PRKCA: variants seen among roughly 807,000 people sequenced by gnomAD.
The protein encoded by PRKCA is protein kinase C alpha type.
In PRKCA, 27 loss-of-function variants were observed where a neutral mutation model predicts 87.0. That is an observed-to-expected ratio of 0.31 (90% CI 0.23 to 0.43). PRKCA has a LOEUF of 0.43. Ranked by LOEUF, PRKCA falls within the 20% of genes least tolerant of loss-of-function variation. The pLI, the probability that PRKCA is intolerant of heterozygous loss-of-function variation, is 1.00. For synonymous variants in PRKCA, 329 were observed against 311.1 expected (o/e 1.06, Z -0.61); for missense variants, 518 against 852.3 (o/e 0.61, Z 4.88).
rs559022019 is a variant in PRKCA at position 66,356,560 on chromosome 17, G to A, written c.205+50433G>A. Among the ~76,000 whole-genome samples, 5 of 152,244 alleles carry A rather than the reference G, an allele frequency of 3.3e-5. No individual in the cohort carries two copies. The East Asian group carries it at 9.7e-4, about 30-fold the overall frequency. The stretch of plus-strand genomic sequence containing the variant: ...TGACGCTTGAACCCAGGAGGCGGAG[G>A]TTGCAGTGAGCTGAGATCGTGCCAC... On this transcript the variant is annotated intron_variant, in intron 2 of 16. Coordinates refer to ENST00000413366, the MANE Select transcript of PRKCA (RefSeq NM_002737.3).
intron 2 of PRKCA, among the ~76,000 whole-genome samples, chr17:66,393,998 C>T (rs1353954703): frequency 1.3e-5 from 2 of 151,966 alleles, no homozygotes; most frequent in Non-Finnish European, 2.9e-5. Context: ...TCGCTCGAAC[C>T]TGGGAGGCGG....
At chr17:66,712,599 C>G (rs769081998) in intron 8 of PRKCA, among the ~76,000 whole-genome samples, 2 of 152,168 alleles carry the variant, frequency 1.3e-5, no homozygotes, top group South Asian at 4.1e-4. Flanking sequence ...AGGGCTGTCC[C>G]TGTCCCCTTC....
intron 3 of PRKCA, among the ~76,000 whole-genome samples, chr17:66,576,007 C>T (rs916743983): frequency 4.6e-5 from 7 of 151,080 alleles, no homozygotes; most frequent in Non-Finnish European, 7.4e-5. Context: ...CCAGCTACTC[C>T]GGAGGCTGAG....
intron 2 of PRKCA, among the ~76,000 whole-genome samples, chr17:66,462,394 C>T (rs191953809): frequency 1.9e-3 from 288 of 152,308 alleles, no homozygotes; most frequent in African/African-American, 6.4e-3. Flanking sequence ...AGAAAAAAGG[C>T]ATCTAATAGC....
At chr17:66,487,260 A>G (rs1039834601) in intron 2 of PRKCA, among the ~76,000 whole-genome samples, 1 of 152,132 alleles carries the variant, frequency 6.6e-6, no homozygotes, top group Admixed American at 6.5e-5. Flanking sequence ...CATATGAGTG[A>G]GAGCATATGA....
intron 3 of PRKCA, among the ~76,000 whole-genome samples, chr17:66,605,247 G>A (rs962251446): frequency 2.0e-5 from 3 of 152,186 alleles, no homozygotes; most frequent in African/African-American, 7.2e-5. Context: ...TCACAACTGA[G>A]GACCAAGTAG....
chr17:66,402,085 G>C lies in PRKCA; in HGVS notation c.206-94116G>C, dbSNP rs117359549. Among the ~76,000 whole-genome samples the C allele has an allele frequency of 1.2e-3, 179 of 152,348 alleles. 2 individuals carry two copies. The East Asian group carries it at 0.031, about 27-fold the overall frequency. On this transcript the variant is annotated intron_variant, in intron 2 of 16. Transcript: ENST00000413366. Reference sequence around the variant, plus strand: ...GAGAATGAGAATCGGGGTGGACCAAGAGGGAGTCGTGTCTCAGGGGCTGGG... The same window carrying C: ...GAGAATGAGAATCGGGGTGGACCAACAGGGAGTCGTGTCTCAGGGGCTGGG...
chr17:66,467,696 C>A (rs1486597604), intron 2 of PRKCA, among the ~76,000 whole-genome samples: 2 of 151,862 alleles, frequency 1.3e-5, no homozygotes, highest in Non-Finnish European at 2.9e-5. Context: ...TAGCTGGGAC[C>A]ACAGGTGCAT....
intron 3 of PRKCA, among the ~76,000 whole-genome samples, chr17:66,585,809 T>C (rs1969577634): frequency 6.6e-6 from 1 of 152,216 alleles, no homozygotes; most frequent in Non-Finnish European, 1.5e-5. Context: ...GGTGACGGTG[T>C]CTACCCCTCT....
intron 2 of PRKCA, among the ~76,000 whole-genome samples, chr17:66,326,355 C>A (rs757126008): frequency 6.6e-6 from 1 of 152,058 alleles, no homozygotes; most frequent in Non-Finnish European, 1.5e-5. Context: ...CTCACTCACC[C>A]GTAATAAATT....
At chr17:66,365,517 C>T (rs1281371825) in intron 2 of PRKCA, among the ~76,000 whole-genome samples, 2 of 152,156 alleles carry the variant, frequency 1.3e-5, no homozygotes, top group Non-Finnish European at 2.9e-5. Context: ...AAATGGCTTC[C>T]CTTTACTGAT....
chr17:66,396,548 A>G (rs905428077), intron 2 of PRKCA, among the ~76,000 whole-genome samples: 2 of 146,228 alleles, frequency 1.4e-5, no homozygotes, highest in African/African-American at 5.0e-5. Flanking sequence ...GTATTTTCAC[A>G]TTTTCTTATT....
chr17:66,776,278 G>A (rs557427800), intron 14 of PRKCA, among the ~76,000 whole-genome samples: 36 of 152,278 alleles, frequency 2.4e-4, no homozygotes, highest in Non-Finnish European at 3.5e-4. Flanking sequence ...GGGGCATCAG[G>A]TAGAGTGAGA....
intron 2 of PRKCA, among the ~76,000 whole-genome samples, chr17:66,406,585 G>GTTTTTTTTTTTTTTT (rs71160568): frequency 0.082 from 5,727 of 69,922 alleles, 1,345 homozygotes; most frequent in Middle Eastern, 0.13. Context: ...GCTTTTCCAG[G>GTTTTTTTTTTTTTTT]TTTTTTTTTT....
intron 5 of PRKCA, among the ~76,000 whole-genome samples, chr17:66,667,829 A>G (rs1972079386): frequency 6.6e-6 from 1 of 152,250 alleles, no homozygotes; most frequent in African/African-American, 2.4e-5. Context: ...AGAGCTACTT[A>G]AGAAATCGAG....
At chr17:66,421,986 A>G (rs1300834007) in intron 2 of PRKCA, among the ~76,000 whole-genome samples, 2 of 152,124 alleles carry the variant, frequency 1.3e-5, no homozygotes, top group African/African-American at 2.4e-5. Flanking sequence ...TTTAAGATCA[A>G]GGTGTCAGCA....
chr17:66,416,743 A>C (rs937055926), intron 2 of PRKCA: 2 of 152,058 alleles, frequency 1.3e-5, no homozygotes, highest in African/African-American at 4.8e-5. Flanking sequence ...AGCCTGTGTA[A>C]CCTTGTGCTT....
At chr17:66,433,476 G>A (rs188502896) in intron 2 of PRKCA, among the ~76,000 whole-genome samples, 2 of 152,314 alleles carry the variant, frequency 1.3e-5, no homozygotes, top group East Asian at 1.9e-4. Context: ...GTTTATGGAT[G>A]GAGTAGCTAA....
rs1445998862 is a variant in PRKCA, at chr17:66,638,825, G to T, written c.289-2530G>T. On this transcript the variant is annotated intron_variant, in intron 3 of 16. Transcript: ENST00000413366. ...ATCGTGCCACTGCACTCTAGCCTGG[G>T]CAACAGAGCAAGACTGTCTAAAAAA... 2.0e-5 allele frequency among the ~76,000 whole-genome samples: 3 copies of T among 151,998 alleles called. No homozygotes were observed. In the East Asian group the frequency reaches 5.8e-4, roughly 29 times the overall value.
Sources: gnomAD v4.1 joint callset for allele counts (sites outside exome capture counted in the v4.1 genomes callset) on GRCh38, gnomAD v4.1.1 for gene constraint, MANE v1.5 for transcripts, NCBI Gene and HGNC (gene_info 2026-07-23, HGNC 2026-07-21) for gene names.